ZNF208: variants seen among roughly 807,000 people sequenced by gnomAD.
ZNF208 encodes zinc finger protein 208.
In ZNF208, 10 loss-of-function variants were observed where a neutral mutation model predicts 12.1. The ratio of observed to expected loss-of-function variants is 0.83; its 90% CI spans 0.51 to 1.40. The LOEUF (loss-of-function observed/expected upper bound fraction) is 1.40. Ranked by LOEUF, ZNF208 falls within the 40% of genes most tolerant of loss-of-function variation. The pLI, the probability that ZNF208 is intolerant of heterozygous loss-of-function variation, is 0.00. For synonymous variants in ZNF208, 497 were observed against 488.4 expected, an observed-to-expected ratio of 1.02 and a Z score of -0.23; for missense variants, 1,652 against 1,485.0, an observed-to-expected ratio of 1.11 and a Z score of -1.85.
chr19:21,952,599 C>G (rs757587232), intron 4 of ZNF208, among the ~76,000 whole-genome samples: 1 of 152,016 alleles, frequency 6.6e-6, no homozygotes, highest in African/African-American at 2.4e-5. Flanking sequence ...GAAAGAAAAC[C>G]AGCAAACAGA....
chr19:21,970,509 T>G lies in ZNF208; in HGVS notation c.*682A>C, dbSNP rs1013439266. ...GAATTAATTAATAGTTTTGCCACAT[T>G]TTTCATATTTGTAGGGTTTTTCCTC... On this transcript the variant is annotated 3_prime_UTR_variant, in exon 4 of 4. Transcript: ENST00000397126. 6.6e-6 allele frequency among the ~76,000 whole-genome samples: 1 copy of G among 152,176 alleles called. No individual in the cohort carries two copies. The highest frequency in any genetic ancestry group is 2.4e-5 in the African/African-American group (1 of 41,442).
At position 21,967,402 on chromosome 19, in the gene ZNF208, A is replaced by T. The variant is rs533844881; in HGVS notation, c.*3789T>A. ...TCTCTCTTCCATTTCATTGGTCTAG[A>T]TGTTTATTTTTGTACCAGAACCATG... On this transcript the variant is annotated 3_prime_UTR_variant, in exon 4 of 4. Coordinates refer to ENST00000397126, the MANE Select transcript of ZNF208 (RefSeq NM_007153.3). The T allele has an allele frequency of 6.6e-6, 1 of 152,102 alleles. No individual in the cohort carries two copies. Among genetic ancestry groups the T allele is most frequent in the African/African-American group, 2.4e-5 (1 of 41,508 alleles). The allele number at this position is 152,102 out of a possible 1,614,324, so 9.4% of individuals were successfully genotyped here.
chr19:21,970,756 C>T lies in ZNF208; in HGVS notation c.*435G>A, dbSNP rs1268672099. 6.6e-6 allele frequency: 9 copies of T among 1,370,338 alleles called. No homozygotes were observed. The African/African-American group carries it at 1.3e-4, about 20-fold the overall frequency. 84.9% of individuals were successfully genotyped at this position (1,370,338 alleles called of 1,614,324 possible). A position where few individuals can be genotyped will look rare whatever the true frequency, so the allele number is the denominator to read the frequency against. ...GTTGGGAACTGTTTAAAAGCTTTGC[C>T]AAATTCTTCACATTTTTAGAATTTC... is the stretch of plus-strand genomic sequence containing the variant. On this transcript the variant is annotated 3_prime_UTR_variant, in exon 4 of 4. Transcript: ENST00000397126.
Position 21,972,426 on chromosome 19 carries a change from A to C in ZNF208, c.2608T>G (p.Tyr870Asp), listed in dbSNP as rs368640518. The C allele has an allele frequency of 2.1e-5, 34 of 1,612,438 alleles. No individual in the cohort carries two copies. In the African/African-American group the frequency reaches 3.7e-4, roughly 18 times the overall value. ...PYKCEECGKAYKWPSTLSYHK... is the reference protein window; with the variant it reads ...PYKCEECGKADKWPSTLSYHK... ...TAACTAAGGGTTGAGGGCCATTTAT[A>C]GGCTTTGCCACATTCTTCACATTTG... Residue 870 changes from tyrosine (Y) to aspartate (D), a missense_variant, in exon 4 of 4, where the codon TAT (tyrosine) becomes GAT (aspartate). Physicochemically the swap from Tyr to Asp is radical, Grantham distance 160. Transcript: ENST00000397126.
Position 21,990,435 on chromosome 19 carries a change from T to C in ZNF208, c.4-1526A>G, listed in dbSNP as rs1195179505. Among the ~76,000 whole-genome samples the C allele has an allele frequency of 4.2e-5, 4 of 94,698 alleles. No individual in the cohort carries two copies. In the East Asian group the frequency reaches 1.5e-3, roughly 35 times the overall value. 62.1% of individuals were successfully genotyped at this position (94,698 alleles called of 152,430 possible). A position where few individuals can be genotyped will look rare whatever the true frequency, so the allele number is the denominator to read the frequency against. On this transcript the variant is annotated intron_variant, in intron 1 of 3. Transcript: ENST00000397126. ...TTCTGAGGGCTCTGTTCTATTCCATTGATCTATATCTCTGATATCTCTGTT... is the reference window on the plus strand; with the variant it reads ...TTCTGAGGGCTCTGTTCTATTCCATCGATCTATATCTCTGATATCTCTGTT...
At position 21,973,904 on chromosome 19, in the gene ZNF208, G is replaced by A; in HGVS notation, c.1130C>T (p.Ala377Val). ...ACTAAGGGTTGAGGGCCACTTATAG[G>A]CTTTGCCGCATTCTTCACATTTGTA... ...KPYKCEECGKAYKWPSTLSYH... is the reference protein window; with the variant it reads ...KPYKCEECGKVYKWPSTLSYH... The change falls in exon 4 of 4, where the codon GCC (alanine) becomes GTC (valine). Residue 377 changes from alanine to valine, a missense_variant. This residue lies in a region of ZNF208 where 1,239 missense variants were observed against 1,086.2 expected (regional missense o/e 1.14). Transcript: ENST00000397126. 1.2e-6 allele frequency: 2 copies of A among 1,612,910 alleles called. No individual in the cohort carries two copies. The highest frequency in any genetic ancestry group is 1.7e-6 in the Non-Finnish European group (2 of 1,179,724).
chr19:21,990,958 A>C (rs1970723277), intron 1 of ZNF208, among the ~76,000 whole-genome samples: 1 of 152,176 alleles, frequency 6.6e-6, no homozygotes, highest in South Asian at 2.1e-4. Flanking sequence ...TTGATTTTGT[A>C]TCCTGAGACT....
At chr19:21,997,277 C>T (rs1288375260) in intron 1 of ZNF208, among the ~76,000 whole-genome samples, 2 of 152,178 alleles carry the variant, frequency 1.3e-5, no homozygotes, top group African/African-American at 2.4e-5. Flanking sequence ...CCTAAATTCA[C>T]ATGGTAGTTG....
rs183145612 is a variant in ZNF208, at chr19:21,944,727, A to T, written c.306-11490T>A. ...AATCAAGCTGAAATATGTTTGATTT[A>T]AAAATTTTAATTTTCCCACTGTTGA... On this transcript the variant is annotated intron_variant, in intron 4 of 4. Coordinates refer to the ZNF208 transcript ENST00000599916. Among the ~76,000 whole-genome samples the T allele has an allele frequency of 1.8e-3, 270 of 152,336 alleles. 1 individual carries two copies. Among genetic ancestry groups the T allele is most frequent in the African/African-American group, 6.2e-3 (257 of 41,578 alleles).
Position 21,973,652 on chromosome 19 carries a change from C to T in ZNF208, c.1382G>A (p.Gly461Asp). Residue 461 changes from glycine (G) to aspartate (D), a missense_variant, in exon 4 of 4, where the codon GGC (glycine) becomes GAC (aspartate). This residue lies in a region of ZNF208 where 1,239 missense variants were observed against 1,086.2 expected (regional missense o/e 1.14). Transcript: ENST00000397126. ...TPYKCEECGK[G>D]FSMFSILTKH... ...AGTAAGGATTGAGAACATACTAAAG[C>T]CTTTGCCACATTCTTCACATTTGTA... The T allele has an allele frequency of 6.4e-7, 1 of 1,571,760 alleles. No individual in the cohort carries two copies. Among genetic ancestry groups the T allele is most frequent in the South Asian group, 1.1e-5 (1 of 90,402 alleles).
chr19:21,982,451 G>A (rs1459982866), intron 3 of ZNF208, among the ~76,000 whole-genome samples: 3 of 149,886 alleles, frequency 2.0e-5, no homozygotes, highest in Non-Finnish European at 4.4e-5. Context: ...GTAATTTATA[G>A]ATTCAATGCT....
chr19:21,955,024 C>T (rs996140866), intron 4 of ZNF208, among the ~76,000 whole-genome samples: 1 of 152,156 alleles, frequency 6.6e-6, no homozygotes, highest in African/African-American at 2.4e-5. Flanking sequence ...TAAGGCAGGC[C>T]TGGTGGTGAC....
At chr19:21,991,215 C>A (rs534817261) in intron 1 of ZNF208, among the ~76,000 whole-genome samples, 2 of 152,008 alleles carry the variant, frequency 1.3e-5, no homozygotes, top group Non-Finnish European at 2.9e-5. Flanking sequence ...CAGTTTTTGC[C>A]GATTCAGTAT....
chr19:21,983,596 C>T (rs147026060), intron 3 of ZNF208, among the ~76,000 whole-genome samples: 1,879 of 152,144 alleles, frequency 0.012, 31 homozygotes, highest in African/African-American at 0.042. Context: ...AGACTTGGAA[C>T]CAACCCAAAT....
chr19:21,991,216 G>C (rs1476789216), intron 1 of ZNF208, among the ~76,000 whole-genome samples: 2 of 152,018 alleles, frequency 1.3e-5, no homozygotes, highest in Admixed American at 6.6e-5. Context: ...AGTTTTTGCC[G>C]ATTCAGTATG....
In ZNF208 at chr19:21,968,380, G is replaced by T. The variant is rs1970210415; in HGVS notation, c.*2811C>A. 6.6e-6 allele frequency: 1 copy of T among 152,034 alleles called. No individual in the cohort carries two copies. The allele number at this position is 152,034 out of a possible 1,614,324, so 9.4% of individuals were successfully genotyped here. Reference sequence around the variant, plus strand: ...CTCTTATTAAGATATTTTCATCAATGTCCAGTGTGTTGACAACATTTTTGA... The same window carrying T: ...CTCTTATTAAGATATTTTCATCAATTTCCAGTGTGTTGACAACATTTTTGA... On this transcript the variant is annotated 3_prime_UTR_variant, in exon 4 of 4. Transcript: ENST00000397126.
At chr19:21,950,507 T>TTA (rs397955878) in intron 4 of ZNF208, among the ~76,000 whole-genome samples, 1 of 150,700 alleles carries the variant, frequency 6.6e-6, no homozygotes, top group Non-Finnish European at 1.5e-5. Context: ...TTTTTTTTTT[T>TTA]ATGCAGGACA....
In ZNF208 at chr19:21,974,376, T is replaced by C. The variant is rs1970384585; in HGVS notation, c.658A>G (p.Lys220Glu). The C allele has an allele frequency of 1.9e-6, 3 of 1,613,782 alleles. No homozygotes were observed. Among genetic ancestry groups the C allele is most frequent in the African/African-American group, 1.3e-5 (1 of 75,022 alleles). Residue 220 changes from lysine (K) to glutamate (E), a missense_variant, in exon 4 of 4, where the codon AAG becomes GAG. This residue lies in a region of ZNF208 where 410 missense variants were observed against 378.2 expected (regional missense o/e 1.08). Coordinates refer to ENST00000397126, the MANE Select transcript of ZNF208 (RefSeq NM_007153.3). ...GGTTTCTCTCCAGTATGAGCACTCT[T>C]ATAATAAGTAAGGGTTGAGGACCAG... ...FNWSSTLTYYKSAHTGEKPYR... is the reference protein window; with the variant it reads ...FNWSSTLTYYESAHTGEKPYR...
In ZNF208 at chr19:21,958,558, C is replaced by G. The variant is rs1466150404; in HGVS notation, c.305+16171G>C. On this transcript the variant is annotated intron_variant, in intron 4 of 4. Coordinates refer to the ZNF208 transcript ENST00000599916. ...ACCAGTTATCAGGGTGTGTCAGCAG[C>G]CTCAACCTTTTTAGGTGTTTCCTGC... 2.0e-5 allele frequency among the ~76,000 whole-genome samples: 3 copies of G among 152,182 alleles called. No individual in the cohort carries two copies. The East Asian group carries it at 5.8e-4, about 29-fold the overall frequency.
Sources: gnomAD v4.1 joint callset for allele counts (sites outside exome capture counted in the v4.1 genomes callset) on GRCh38, gnomAD v4.1.1 for gene constraint, gnomAD v4.1.1 regional missense constraint, MANE v1.5 for transcripts, NCBI Gene and HGNC (gene_info 2026-07-23, HGNC 2026-07-21) for gene names.